The following SRGAP2 variants were observed in gnomAD, a reference collection of about 807,000 sequenced individuals.
SRGAP2 encodes SLIT-ROBO Rho GTPase activating protein 2.
SRGAP2 carries 15 observed loss-of-function variants against 57.2 expected under a neutral mutation model. The observed-to-expected ratio is 0.26, with a 90% CI of 0.18 to 0.40. The LOEUF (loss-of-function observed/expected upper bound fraction) is 0.40, where lower values mean the gene tolerates loss of function less well. Ranked by LOEUF, SRGAP2 falls within the 10% of genes least tolerant of loss-of-function variation. The probability of loss-of-function intolerance (pLI) is 1.00; values close to 1 mark genes in which losing one functional copy is unlikely to be tolerated. For synonymous variants in SRGAP2, 249 were observed against 248.0 expected (o/e 1.00, Z -0.04); for missense variants, 520 against 669.6 (o/e 0.78, Z 2.47).
At position 206,393,691 on chromosome 1, in the gene SRGAP2, A is replaced by G. The variant is rs782305850; in HGVS notation, c.831+18A>G. On this transcript the variant is annotated intron_variant, in intron 7 of 22. Coordinates refer to ENST00000573034, the MANE Select transcript of SRGAP2 (RefSeq NM_015326.5). ...TTATTGATGTAAGTGCTTAAAGCCAAGGGCCTGAGGGCACCTCTTTTCTGG... is the reference window on the plus strand; with the variant it reads ...TTATTGATGTAAGTGCTTAAAGCCAGGGGCCTGAGGGCACCTCTTTTCTGG... 4.9e-6 allele frequency: 3 copies of G among 607,650 alleles called. No individual in the cohort carries two copies. Among genetic ancestry groups the G allele is most frequent in the Non-Finnish European group, 9.2e-6 (3 of 325,650 alleles). 37.6% of individuals were successfully genotyped at this position (607,650 alleles called of 1,614,324 possible). A position where few individuals can be genotyped will look rare whatever the true frequency, so the allele number is the denominator to read the frequency against.
intron 2 of SRGAP2, among the ~76,000 whole-genome samples, chr1:206,257,374 G>T (rs1180718973): frequency 1.3e-5 from 1 of 78,514 alleles, no homozygotes; most frequent in Non-Finnish European, 2.5e-5. Context: ...TCTCACTCTT[G>T]TTTCCCAGGA....
At chr1:206,225,585 C>T (rs1667227041) in intron 2 of SRGAP2, among the ~76,000 whole-genome samples, 1 of 152,026 alleles carries the variant, frequency 6.6e-6, no homozygotes, top group Non-Finnish European at 1.5e-5. Flanking sequence ...ACAGTGCCAC[C>T]CCCATCCGCC....
rs1660103313 is a variant in SRGAP2 at position 206,419,492 on chromosome 1, A to G, written c.1469+92A>G. The stretch of plus-strand genomic sequence containing the variant: ...GGAGAGAGCCAAGGAGTTGAGTTGT[A>G]AAGGCATTGAATGACTTTACAAAGC... On this transcript the variant is annotated intron_variant, in intron 12 of 22. Transcript: ENST00000573034. The G allele has an allele frequency of 5.2e-6, 4 of 767,782 alleles. No homozygotes were observed. The South Asian group carries it at 5.5e-5, about 11-fold the overall frequency. The allele number at this position is 767,782 out of a possible 1,614,324, so 47.6% of individuals were successfully genotyped here. A position where few individuals can be genotyped will look rare whatever the true frequency, so the allele number is the denominator to read the frequency against.
chr1:206,457,062 G>C (rs1470694855), intron 21 of SRGAP2, among the ~76,000 whole-genome samples: 4 of 152,096 alleles, frequency 2.6e-5, no homozygotes, highest in African/African-American at 9.7e-5. Context: ...TCCCCCACCA[G>C]ATTGAGCTCC....
At chr1:206,363,033 T>C (rs1677025031) in intron 4 of SRGAP2, among the ~76,000 whole-genome samples, 1 of 149,382 alleles carries the variant, frequency 6.7e-6, no homozygotes, top group Non-Finnish European at 1.5e-5. Flanking sequence ...ATGTCCTTTG[T>C]ATCTTAGGAA....
intron 2 of SRGAP2, among the ~76,000 whole-genome samples, chr1:206,295,825 C>T (rs1671558854): frequency 2.0e-5 from 3 of 152,222 alleles, no homozygotes; most frequent in Middle Eastern, 6.8e-3. Flanking sequence ...TTATCCATTA[C>T]AGCCCCTTTG....
chr1:206,324,817 C>G (rs1187292823), intron 3 of SRGAP2, among the ~76,000 whole-genome samples: 2 of 152,126 alleles, frequency 1.3e-5, no homozygotes, highest in Non-Finnish European at 2.9e-5. Flanking sequence ...ACTTATCTTA[C>G]AGGTATGTAA....
chr1:206,429,842 G>A (rs541671502), intron 13 of SRGAP2, among the ~76,000 whole-genome samples: 13 of 152,328 alleles, frequency 8.5e-5, no homozygotes, highest in South Asian at 2.1e-4. Context: ...AGAGAGAAGC[G>A]AATGGATTTG....
intron 2 of SRGAP2, among the ~76,000 whole-genome samples, chr1:206,220,421 C>T (rs1666910086): frequency 6.6e-6 from 1 of 152,088 alleles, no homozygotes; most frequent in African/African-American, 2.4e-5. Context: ...CATGGGAACC[C>T]CCTCCCCACC....
intron 18 of SRGAP2, 61 bp downstream of exon 18, chr1:206,446,360 C>A: frequency 1.3e-6 from 1 of 766,082 alleles, no homozygotes; most frequent in South Asian, 1.4e-5. Context: ...GCATGGGAGC[C>A]AGATGGCCAC....
chr1:206,221,187 GCCTC>G (rs763943265), intron 2 of SRGAP2, among the ~76,000 whole-genome samples: 250 of 148,966 alleles, frequency 1.7e-3, no homozygotes, highest in Middle Eastern at 3.4e-3. Context: ...TGATCCGCCT[GCCTC>G]AGCCTCCCAA....
intron 7 of SRGAP2, among the ~76,000 whole-genome samples, 181 bp downstream of exon 7, chr1:206,393,854 A>G (rs1553352409): frequency 2.1e-5 from 3 of 139,842 alleles, no homozygotes; most frequent in African/African-American, 8.1e-5. Flanking sequence ...CACTTATTCA[A>G]TCCTAACTGG....
rs78564931 is a variant in SRGAP2, at chr1:206,325,276, A to G, written c.261-17570A>G. Among the ~76,000 whole-genome samples the G allele has an allele frequency of 4.0e-3, 610 of 152,200 alleles. 13 individuals are homozygous for G. Among genetic ancestry groups the G allele is most frequent in the East Asian group, 0.035 (184 of 5,186 alleles). On this transcript the variant is annotated intron_variant, in intron 3 of 22. Transcript: ENST00000573034. ...ATATACACATAAATAGCTGAGAACA[A>G]TACTTTCACAGAACAATACTTATCT...
At chr1:206,387,230 G>A (rs1465542696) in intron 5 of SRGAP2, among the ~76,000 whole-genome samples, 5 of 150,854 alleles carry the variant, frequency 3.3e-5, no homozygotes, top group African/African-American at 9.9e-5. Flanking sequence ...ATGGGATTAC[G>A]GTGACTAACT....
chr1:206,448,542 C>G (rs940172605), intron 18 of SRGAP2, among the ~76,000 whole-genome samples: 1 of 152,172 alleles, frequency 6.6e-6, no homozygotes, highest in Non-Finnish European at 1.5e-5. Flanking sequence ...GTCCCTGGAC[C>G]AACAGCATCT....
At chr1:206,452,753 G>A (rs937204476) in intron 19 of SRGAP2, among the ~76,000 whole-genome samples, 1 of 152,006 alleles carries the variant, frequency 6.6e-6, no homozygotes, top group African/African-American at 2.4e-5. Context: ...GGGCGTGGTG[G>A]CACACGTCTG....
intron 2 of SRGAP2, among the ~76,000 whole-genome samples, chr1:206,273,874 A>T (rs1390971552): frequency 6.6e-6 from 1 of 150,474 alleles, no homozygotes; most frequent in Admixed American, 6.6e-5. Context: ...TGGGCTTGGG[A>T]GTGTAGACGT....
intron 18 of SRGAP2, among the ~76,000 whole-genome samples, chr1:206,447,815 C>T (rs1553374408): frequency 6.6e-6 from 1 of 152,220 alleles, no homozygotes; most frequent in East Asian, 1.9e-4. Flanking sequence ...ACAGCCCTGG[C>T]CCCTGAGTCC....
At chr1:206,230,223 C>T (rs2102512599) in intron 2 of SRGAP2, among the ~76,000 whole-genome samples, 1 of 150,540 alleles carries the variant, frequency 6.6e-6, no homozygotes, top group East Asian at 2.0e-4. Flanking sequence ...ATGTTTTTGT[C>T]AGTTTAAATG....
Sources: allele counts gnomAD v4.1 joint callset (sites outside exome capture counted in the v4.1 genomes callset), GRCh38; gene constraint gnomAD v4.1.1; transcripts MANE v1.5; gene names NCBI Gene and HGNC (gene_info 2026-07-23, HGNC 2026-07-21).